The following BCAR3 variants were observed in gnomAD, a reference collection of about 807,000 sequenced individuals.
BCAR3 encodes BCAR3 adaptor protein, NSP family member.
BCAR3 carries 37 observed loss-of-function variants against 80.1 expected under a neutral mutation model. That is an observed-to-expected ratio of 0.46 (90% confidence interval 0.36 to 0.61). The LOEUF (loss-of-function observed/expected upper bound fraction) is 0.61, where lower values mean the gene tolerates loss of function less well. Ranked by LOEUF, BCAR3 falls within the 20% of genes least tolerant of loss-of-function variation. BCAR3 has a pLI of 0.00. For synonymous variants in BCAR3, 389 were observed against 418.9 expected (o/e 0.93, Z 0.87); for missense variants, 978 against 1,068.2 (o/e 0.92, Z 1.18).
chr1:93,818,086 C>T (rs1471332122), intron 2 of BCAR3, among the ~76,000 whole-genome samples: 3 of 152,220 alleles, frequency 2.0e-5, no homozygotes, highest in East Asian at 3.8e-4. Context: ...ACTCTTAATA[C>T]TGCTGACTTT....
intron 2 of BCAR3, among the ~76,000 whole-genome samples, chr1:93,830,790 T>C (rs59545065): frequency 0.092 from 13,954 of 152,212 alleles, 1,314 homozygotes; most frequent in African/African-American, 0.23. Flanking sequence ...TTCAGGAGAC[T>C]GGTCTCCTGT....
At chr1:93,679,186 T>C (rs1054074446) in intron 1 of BCAR3, among the ~76,000 whole-genome samples, 4 of 152,164 alleles carry the variant, frequency 2.6e-5, no homozygotes, top group African/African-American at 9.7e-5. Flanking sequence ...AGATTAAAAG[T>C]GATTGTGTAT....
chr1:93,807,302 G>A (rs1420764884), intron 2 of BCAR3, among the ~76,000 whole-genome samples: 1 of 151,970 alleles, frequency 6.6e-6, no homozygotes, highest in East Asian at 1.9e-4. Context: ...TCACTGAGGG[G>A]GAAAAAATTA....
chr1:93,653,350 C>T (rs1647211738), intron 2 of BCAR3, among the ~76,000 whole-genome samples: 1 of 152,238 alleles, frequency 6.6e-6, no homozygotes, highest in African/African-American at 2.4e-5. Context: ...TCCCTTTAAG[C>T]TCCACGCACA....
At chr1:93,588,591 A>G (rs1178119727) in intron 5 of BCAR3, among the ~76,000 whole-genome samples, 3 of 152,014 alleles carry the variant, frequency 2.0e-5, no homozygotes, top group Non-Finnish European at 4.4e-5. Context: ...TTCCAGCCCT[A>G]CCAGCACATT....
intron 11 of BCAR3, among the ~76,000 whole-genome samples, chr1:93,565,362 G>A (rs1007624590): frequency 2.7e-5 from 4 of 147,276 alleles, no homozygotes; most frequent in Non-Finnish European, 4.5e-5. Context: ...CACTGCGCCC[G>A]GCCCCCAGAT....
chr1:93,797,401 T>C (rs1024147130), intron 2 of BCAR3, among the ~76,000 whole-genome samples: 2 of 152,192 alleles, frequency 1.3e-5, no homozygotes, highest in African/African-American at 4.8e-5. Context: ...CCTGCCTCTA[T>C]TGCATTTAAG....
At chr1:93,671,097 A>G (rs1043182763) in intron 2 of BCAR3, among the ~76,000 whole-genome samples, 2 of 152,134 alleles carry the variant, frequency 1.3e-5, no homozygotes, top group African/African-American at 4.8e-5. Context: ...GGTTCAAGCG[A>G]TTCTCTTGCC....
chr1:93,716,263 A>G (rs1650183826), intron 2 of BCAR3, among the ~76,000 whole-genome samples: 1 of 152,258 alleles, frequency 6.6e-6, no homozygotes, highest in Non-Finnish European at 1.5e-5. Context: ...ATTCAAAAAT[A>G]AATGAACTTT....
rs371629426 is a variant in BCAR3 at position 93,571,832 on chromosome 1, T to C, written c.1812A>G (p.Thr604=). The C allele has an allele frequency of 6.2e-7, 1 of 1,612,896 alleles. No homozygotes were observed. Among genetic ancestry groups the C allele is most frequent in the African/African-American group, 1.3e-5 (1 of 74,856 alleles). ...LRLDIIERHN[T]MAIGIAVDIL... is the part of the protein sequence containing the mutation. ...TGTCCACTGCAATGCCGATGGCCAT[T>C]GTGTTGTGTCTGAAAGCCAGGAGAT... is the stretch of plus-strand genomic sequence containing the variant. The change falls in exon 9 of 12, where the codon ACA becomes ACG. Residue 604 remains threonine (T), a synonymous_variant. Coordinates refer to ENST00000260502, the MANE Select transcript of BCAR3 (RefSeq NM_003567.4).
chr1:93,708,582 A>G (rs1298187840), intron 2 of BCAR3, among the ~76,000 whole-genome samples: 1 of 152,214 alleles, frequency 6.6e-6, no homozygotes, highest in East Asian at 1.9e-4. Flanking sequence ...GAAAATAAAC[A>G]TATTAGTAGC....
chr1:93,739,155 C>T (rs1340489953), intron 2 of BCAR3, among the ~76,000 whole-genome samples: 1 of 152,152 alleles, frequency 6.6e-6, no homozygotes, highest in African/African-American at 2.4e-5. Flanking sequence ...AATAAACTTC[C>T]TTTCCCCAGG....
In BCAR3 at chr1:93,842,557, G is replaced by A. The variant is rs180714650; in HGVS notation, c.-63+3010C>T. The stretch of plus-strand genomic sequence containing the variant: ...CCCTCAGACGGTTTTCTGAAAAGAT[G>A]AAGAAATCAGACAAATTAAATAGGA... On this transcript the variant is annotated intron_variant, in intron 2 of 13. Transcript: ENST00000370244. 6.8e-3 allele frequency among the ~76,000 whole-genome samples: 1,038 copies of A among 152,274 alleles called. 3 individuals carry two copies. Among genetic ancestry groups the A allele is most frequent in the Non-Finnish European group, 0.01 (704 of 68,024 alleles).
At chr1:93,662,489 T>C (rs141760821) in intron 2 of BCAR3, among the ~76,000 whole-genome samples, 41 of 152,336 alleles carry the variant, frequency 2.7e-4, no homozygotes, top group African/African-American at 9.6e-4. Flanking sequence ...TCATTTCTGT[T>C]GCTCTGACCT....
At chr1:93,676,505 G>A (rs572707484) in intron 1 of BCAR3, among the ~76,000 whole-genome samples, 46 of 152,280 alleles carry the variant, frequency 3.0e-4, no homozygotes, top group African/African-American at 9.6e-4. Context: ...CCTGCTCCAC[G>A]TCCAACTGGG....
chr1:93,606,300 T>C (rs1674770568), intron 3 of BCAR3, among the ~76,000 whole-genome samples: 1 of 152,148 alleles, frequency 6.6e-6, no homozygotes. Context: ...CTCAACCCAA[T>C]ACAACTCAGA....
At chr1:93,751,827 TG>T (rs1651566856) in intron 2 of BCAR3, among the ~76,000 whole-genome samples, 1 of 152,214 alleles carries the variant, frequency 6.6e-6, no homozygotes, top group Non-Finnish European at 1.5e-5. Flanking sequence ...GGCGTGTGGC[TG>T]GGGCTGCTGC....
Position 93,582,326 on chromosome 1 carries a change from T to C in BCAR3, c.1661A>G (p.Gln554Arg), listed in dbSNP as rs1425332341. The change falls in exon 7 of 12, where the codon CAG becomes CGG. Residue 554 changes from glutamine to arginine, a missense_variant. Gln to Arg is a conservative substitution (Grantham distance 43, BLOSUM62 1). Coordinates refer to ENST00000260502, the MANE Select transcript of BCAR3 (RefSeq NM_003567.4). ...CCTGCAGTCCATGCTCAGTACGTGC[T>C]GGGCGATGACCTTGGGGTCGTTGTT... ...FTNNDPKVIA[Q>R]HVLSMDCRVA... is the part of the protein sequence containing the mutation. 1.2e-6 allele frequency: 2 copies of C among 1,614,182 alleles called. No homozygotes were observed. The highest frequency in any genetic ancestry group is 3.3e-5 in the Admixed American group (2 of 60,032).
intron 2 of BCAR3, among the ~76,000 whole-genome samples, chr1:93,647,851 C>A (rs1386303242): frequency 6.6e-6 from 1 of 151,990 alleles, no homozygotes; most frequent in African/African-American, 2.4e-5. Context: ...TGGCTCACTG[C>A]AACCTCTGCC....
Sources: allele counts gnomAD v4.1 joint callset (sites outside exome capture counted in the v4.1 genomes callset), GRCh38; gene constraint gnomAD v4.1.1; transcripts MANE v1.5; gene names NCBI Gene and HGNC (gene_info 2026-07-23, HGNC 2026-07-21).